PARD3B: variants seen among roughly 807,000 people sequenced by gnomAD.
The protein encoded by PARD3B is partitioning defective 3 homolog B.
Under a neutral mutation model 130.2 loss-of-function variants are expected in PARD3B, and 103 were observed. The observed-to-expected ratio is 0.79, with a 90% CI of 0.67 to 0.93. The LOEUF (loss-of-function observed/expected upper bound fraction) is 0.93. Ranked by LOEUF, PARD3B falls within the 40% of genes least tolerant of loss-of-function variation. The pLI is 0.00. For synonymous variants in PARD3B, 583 were observed against 553.2 expected (o/e 1.05, Z -0.76); for missense variants, 1,609 against 1,499.2 (o/e 1.07, Z -1.21).
At chr2:204,640,348 T>C (rs2035033460) in intron 1 of PARD3B, among the ~76,000 whole-genome samples, 1 of 152,160 alleles carries the variant, frequency 6.6e-6, no homozygotes, top group Non-Finnish European at 1.5e-5. Flanking sequence ...GCAGGTTCCC[T>C]TGCCCCAAAT....
chr2:204,701,446 G>C (rs1373968296), intron 2 of PARD3B, among the ~76,000 whole-genome samples: 2 of 152,090 alleles, frequency 1.3e-5, no homozygotes, highest in Non-Finnish European at 1.5e-5. Flanking sequence ...CTGGTGTTTG[G>C]AAGAAAAATT....
chr2:205,239,879 A>C (rs1343629635), intron 15 of PARD3B, among the ~76,000 whole-genome samples: 1 of 152,140 alleles, frequency 6.6e-6, no homozygotes, highest in African/African-American at 2.4e-5. Flanking sequence ...AAATGAGATA[A>C]ATGTTTGCAC....
rs545151341 is a variant in PARD3B, at chr2:205,276,219, G to A, written c.2186-24311G>A. 2.6e-5 allele frequency among the ~76,000 whole-genome samples: 4 copies of A among 152,294 alleles called. 1 individual carries two copies. The highest frequency in any genetic ancestry group is 9.6e-5 in the African/African-American group (4 of 41,568). On this transcript the variant is annotated intron_variant, in intron 16 of 22. Coordinates refer to ENST00000406610, the MANE Select transcript of PARD3B (RefSeq NM_001302769.2). This position sits in a 1 kb window ranked among gnomAD's most constrained non-coding sequence, Gnocchi z 5.0. ...GGAAGTAGAAATGTGGATGGGAAGA[G>A]CATTTAGCAGTCTCATCCCTCTGCC...
chr2:205,321,009 AT>A lies in PARD3B; in HGVS notation c.2630+19314del, dbSNP rs1273063024. Among the ~76,000 whole-genome samples the A allele has an allele frequency of 2.6e-5, 4 of 152,176 alleles. No individual in the cohort carries two copies. Among genetic ancestry groups the A allele is most frequent in the Non-Finnish European group, 4.4e-5 (3 of 68,024 alleles). ...AGCATTCTCTTACTAGTGTAAAATT[AT>A]TTTTTGTTCCCTTTCCATAGTTCTC... On this transcript the variant is annotated intron_variant, in intron 18 of 22. Transcript: ENST00000406610. This position sits in a 1 kb window ranked among gnomAD's most constrained non-coding sequence, Gnocchi z 4.2.
In PARD3B at chr2:205,380,359, A is replaced by G. The variant is rs184213020; in HGVS notation, c.2631-20654A>G. The stretch of plus-strand genomic sequence containing the variant: ...ATAAAGAATATATAATATATAATAT[A>G]TAAAGAATATATATTATATATAATA... On this transcript the variant is annotated intron_variant, in intron 18 of 22. Transcript: ENST00000406610. Among the ~76,000 whole-genome samples the G allele has an allele frequency of 3.9e-3, 112 of 28,572 alleles. 2 individuals carry two copies. The highest frequency in any genetic ancestry group is 0.042 in the Middle Eastern group (1 of 24). 18.7% of individuals were successfully genotyped at this position (28,572 alleles called of 152,430 possible).
At chr2:205,219,933 G>C (rs556690927) in intron 15 of PARD3B, among the ~76,000 whole-genome samples, 2 of 152,152 alleles carry the variant, frequency 1.3e-5, no homozygotes, top group Non-Finnish European at 2.9e-5. Context: ...TACTTGTCAC[G>C]TTTGTAGGAG....
chr2:204,852,245 T>C (rs1453731424), intron 2 of PARD3B, among the ~76,000 whole-genome samples: 1 of 152,026 alleles, frequency 6.6e-6, no homozygotes, highest in Non-Finnish European at 1.5e-5. Flanking sequence ...TAAATTCCAG[T>C]GGAGTTCAGT....
chr2:204,718,384 A>G (rs1319922180), intron 2 of PARD3B, among the ~76,000 whole-genome samples: 1 of 152,260 alleles, frequency 6.6e-6, no homozygotes, highest in African/African-American at 2.4e-5. Context: ...GAATCTTACA[A>G]TCATGGCGGA....
intron 2 of PARD3B, among the ~76,000 whole-genome samples, chr2:204,854,537 A>AC (rs1283759195): frequency 6.6e-6 from 1 of 152,106 alleles, no homozygotes; most frequent in African/African-American, 2.4e-5. Flanking sequence ...AAGTGGTGAA[A>AC]TGTTCTAGAG....
intron 1 of PARD3B, among the ~76,000 whole-genome samples, chr2:204,636,487 T>C (rs2034880858): frequency 1.3e-5 from 2 of 151,376 alleles, no homozygotes; most frequent in Admixed American, 6.6e-5. Context: ...TGTGTGTGTG[T>C]GTGCAGTTAT....
At chr2:205,127,441 A>G (rs1042159509) in intron 10 of PARD3B, among the ~76,000 whole-genome samples, 1 of 152,220 alleles carries the variant, frequency 6.6e-6, no homozygotes, top group Non-Finnish European at 1.5e-5. Context: ...ACAAAGGCAC[A>G]TGTAGGTTCC....
At chr2:204,682,131 A>G (rs1046940838) in intron 1 of PARD3B, among the ~76,000 whole-genome samples, 5 of 152,110 alleles carry the variant, frequency 3.3e-5, no homozygotes, top group Admixed American at 2.0e-4. Context: ...CAGGCTCACT[A>G]ATGATGATGC....
rs2052614849 is a variant in PARD3B at position 205,550,972 on chromosome 2, TATATACACAC to T, written c.3181-2350_3181-2341del. ...ATATATGTGTATATATATATATATA[TATATACACAC>T]ACACACACACACACACACACATAAT... On this transcript the variant is annotated intron_variant, in intron 21 of 22. Coordinates refer to ENST00000406610, the MANE Select transcript of PARD3B (RefSeq NM_001302769.2). This position sits in a 1 kb window ranked among gnomAD's most constrained non-coding sequence, Gnocchi z 4.5. Among the ~76,000 whole-genome samples the T allele has an allele frequency of 9.7e-6, 1 of 103,594 alleles. No homozygotes were observed. The highest frequency in any genetic ancestry group is 2.2e-5 in the Non-Finnish European group (1 of 45,690). The allele number at this position is 103,594 out of a possible 152,430, so 68.0% of individuals were successfully genotyped here.
intron 2 of PARD3B, among the ~76,000 whole-genome samples, chr2:204,917,319 G>A (rs1433085902): frequency 6.6e-6 from 1 of 152,212 alleles, no homozygotes; most frequent in Non-Finnish European, 1.5e-5. Context: ...GGGAGGTTGT[G>A]CAGGGTAGAA....
chr2:204,777,805 G>A (rs2041685557), intron 2 of PARD3B, among the ~76,000 whole-genome samples: 1 of 152,086 alleles, frequency 6.6e-6, no homozygotes, highest in Non-Finnish European at 1.5e-5. Flanking sequence ...ATCTCATCTT[G>A]AATTGTAATC....
At chr2:205,193,354 C>G in intron 15 of PARD3B, 34 bp downstream of exon 15, 1 of 1,472,056 alleles carries the variant, frequency 6.8e-7, no homozygotes, top group South Asian at 1.1e-5. Flanking sequence ...CAGGTCAGCT[C>G]TCCAGCCTCA....
intron 2 of PARD3B, among the ~76,000 whole-genome samples, chr2:204,941,692 T>TA (rs1440496308): frequency 6.6e-6 from 1 of 152,182 alleles, no homozygotes; most frequent in African/African-American, 2.4e-5. Context: ...TCCAGACAGA[T>TA]ATATTCTTAC....
chr2:205,133,667 A>T (rs1475527240), intron 10 of PARD3B, among the ~76,000 whole-genome samples: 1 of 152,108 alleles, frequency 6.6e-6, no homozygotes, highest in Non-Finnish European at 1.5e-5. Context: ...ATTCTGTGAA[A>T]TTTTTTAAGC....
intron 18 of PARD3B, among the ~76,000 whole-genome samples, chr2:205,396,637 A>G (rs1416503370): frequency 6.6e-6 from 1 of 152,256 alleles, no homozygotes; most frequent in Non-Finnish European, 1.5e-5. Context: ...ATGTAAAAAA[A>G]GATTTTATTG....
Sources: allele counts gnomAD v4.1 joint callset (sites outside exome capture counted in the v4.1 genomes callset), GRCh38; gene constraint gnomAD v4.1.1; non-coding constraint Gnocchi (gnomAD v3.1); transcripts MANE v1.5; gene names NCBI Gene and HGNC (gene_info 2026-07-23, HGNC 2026-07-21).